PCDHGA5: variants seen among roughly 807,000 people sequenced by gnomAD.
The protein encoded by PCDHGA5 is protocadherin gamma subfamily A, 5, also known as protocadherin gamma-A5.
In PCDHGA5, 36 loss-of-function variants were observed where a neutral mutation model predicts 56.7. That is an observed-to-expected ratio of 0.64 (90% CI 0.49 to 0.84). PCDHGA5 has a LOEUF of 0.84. Among genes scored for constraint, PCDHGA5 ranks in the 40% least tolerant of loss-of-function variants. The pLI is 0.00. For synonymous variants in PCDHGA5, 563 were observed against 520.2 expected (o/e 1.08, Z -1.12); for missense variants, 1,305 against 1,201.5 (o/e 1.09, Z -1.27).
chr5:141,423,816 T>C lies in PCDHGA5; in HGVS notation c.2421+57065T>C, dbSNP rs1205974775. ...TTAGAGCAATACATGTGAGTTTTACTTTGCCTTTCATGAGATTACGATAAT... is the reference window on the plus strand; with the variant it reads ...TTAGAGCAATACATGTGAGTTTTACCTTGCCTTTCATGAGATTACGATAAT... On this transcript the variant is annotated intron_variant, in intron 1 of 3. Transcript: ENST00000518069. 3 of 1,273,904 alleles carry C rather than the reference T, an allele frequency of 2.4e-6. No individual in the cohort carries two copies. The African/African-American group carries it at 4.7e-5, about 20-fold the overall frequency. 78.9% of individuals were successfully genotyped at this position (1,273,904 alleles called of 1,614,324 possible).
At position 141,511,622 on chromosome 5, in the gene PCDHGA5, A is replaced by G; in HGVS notation, c.*449A>G. 4.3e-6 allele frequency: 1 copy of G among 232,852 alleles called. No individual in the cohort carries two copies. The highest frequency in any genetic ancestry group is 8.7e-6 in the Non-Finnish European group (1 of 114,994). The allele number at this position is 232,852 out of a possible 1,614,324, so 14.4% of individuals were successfully genotyped here. A position where few individuals can be genotyped will look rare whatever the true frequency, so the allele number is the denominator to read the frequency against. On this transcript the variant is annotated 3_prime_UTR_variant, in exon 4 of 4. Transcript: ENST00000518069. ...AACCTACAAGCCTCCTAGTTCTGAA[A>G]AGTTGGAAGGGCATCATGACCTCTT...
At chr5:141,464,279 C>CA (rs373828487) in intron 1 of PCDHGA5, among the ~76,000 whole-genome samples, 31,576 of 137,520 alleles carry the variant, frequency 0.23, 3,494 homozygotes, top group African/African-American at 0.28. Context: ...AAAAAAAAAG[C>CA]AAAAAAAAAA....
At chr5:141,428,044 C>A in intron 1 of PCDHGA5, 1 of 1,608,790 alleles carries the variant, frequency 6.2e-7, no homozygotes, top group Non-Finnish European at 8.5e-7. Context: ...TACCTGGTGA[C>A]CAAGGTGGTG....
intron 1 of PCDHGA5, among the ~76,000 whole-genome samples, chr5:141,465,041 C>T (rs2099095802): frequency 6.6e-6 from 1 of 151,856 alleles, no homozygotes; most frequent in Non-Finnish European, 1.5e-5. Flanking sequence ...CACAAATGAC[C>T]CTATATATTT....
At chr5:141,405,575 G>C in intron 1 of PCDHGA5, 1 of 598,040 alleles carries the variant, frequency 1.7e-6, no homozygotes. Flanking sequence ...GAGTAGAGTA[G>C]CTGGGACTAC....
intron 1 of PCDHGA5, chr5:141,385,196 G>C (rs760255338): frequency 3.7e-5 from 60 of 1,614,112 alleles, no homozygotes; most frequent in Non-Finnish European, 5.1e-5. Flanking sequence ...TCTCGGAAGA[G>C]TCACCTGATC....
At chr5:141,372,670 A>G (rs1383646459) in intron 1 of PCDHGA5, 4 of 1,613,908 alleles carry the variant, frequency 2.5e-6, no homozygotes, top group Non-Finnish European at 3.4e-6. Flanking sequence ...GCTGCCTCAC[A>G]TTCCTCAAAC....
chr5:141,487,577 C>A lies in PCDHGA5; in HGVS notation c.2422-7230C>A. 1.2e-6 allele frequency: 2 copies of A among 1,614,150 alleles called. No individual in the cohort carries two copies. Among genetic ancestry groups the A allele is most frequent in the Non-Finnish European group, 1.7e-6 (2 of 1,180,024 alleles). ...ACCTATGGCAGGGGAGCCTGTTCGC[C>A]CAAGCTGCCCACCCTCTGATCTTCT... On this transcript the variant is annotated intron_variant, in intron 1 of 3. Coordinates refer to ENST00000518069, the MANE Select transcript of PCDHGA5 (RefSeq NM_018918.3). The surrounding 1 kb of genome is among the most constrained non-coding windows in gnomAD (Gnocchi z 5.0).
In PCDHGA5 at chr5:141,470,146, A is replaced by G. The variant is rs181633492; in HGVS notation, c.2422-24661A>G. On this transcript the variant is annotated intron_variant, in intron 1 of 3. Coordinates refer to ENST00000518069, the MANE Select transcript of PCDHGA5 (RefSeq NM_018918.3). ...TTCGTCTCAAAAAAAAAGATCATAG[A>G]TCATCTTATCAAATCAAAGTATGCA... Among the ~76,000 whole-genome samples, 102 of 152,308 alleles carry G rather than the reference A, an allele frequency of 6.7e-4. 2 individuals carry two copies. Among genetic ancestry groups the G allele is most frequent in the African/African-American group, 2.4e-3 (99 of 41,558 alleles).
At position 141,390,587 on chromosome 5, in the gene PCDHGA5, A is replaced by G. The variant is rs1043489470; in HGVS notation, c.2421+23836A>G. The G allele has an allele frequency of 4.1e-5, 14 of 340,484 alleles. No homozygotes were observed. The Admixed American group carries it at 6.3e-4, about 15-fold the overall frequency. The allele number at this position is 340,484 out of a possible 1,614,324, so 21.1% of individuals were successfully genotyped here. A position where few individuals can be genotyped will look rare whatever the true frequency, so the allele number is the denominator to read the frequency against. Reference sequence around the variant, plus strand: ...TTGGCTCTCTCCTAAAAAGTGAATGAGATTTTTCCTATACATTTTCCTTCT... The same window carrying G: ...TTGGCTCTCTCCTAAAAAGTGAATGGGATTTTTCCTATACATTTTCCTTCT... On this transcript the variant is annotated intron_variant, in intron 1 of 3. Transcript: ENST00000518069.
intron 1 of PCDHGA5, chr5:141,419,357 AC>A (rs1185938270): frequency 3.7e-6 from 6 of 1,613,814 alleles, no homozygotes; most frequent in Non-Finnish European, 4.2e-6. Context: ...GGAGTCACGA[AC>A]GCTGTCGTCC....
intron 1 of PCDHGA5, among the ~76,000 whole-genome samples, chr5:141,370,010 TAAC>T (rs1460058955): frequency 6.6e-6 from 1 of 152,172 alleles, no homozygotes; most frequent in African/African-American, 2.4e-5. Context: ...TTAAAAGAAA[TAAC>T]AGACTAAAGA....
In PCDHGA5 at chr5:141,489,201, G is replaced by A. The variant is rs757039294; in HGVS notation, c.2422-5606G>A. ...AGCCCTGGGTCTACCTTGGAGACAG[G>A]ACAGCACAGACTTACTCTCCACAAA... On this transcript the variant is annotated intron_variant, in intron 1 of 3. Coordinates refer to ENST00000518069, the MANE Select transcript of PCDHGA5 (RefSeq NM_018918.3). This position sits in a 1 kb window ranked among gnomAD's most constrained non-coding sequence, Gnocchi z 4.5. The A allele has an allele frequency of 7.8e-6, 11 of 1,416,092 alleles. No individual in the cohort carries two copies. In the African/African-American group the frequency reaches 1.3e-4, roughly 17 times the overall value. 87.7% of individuals were successfully genotyped at this position (1,416,092 alleles called of 1,614,324 possible).
At chr5:141,404,063 G>A in intron 1 of PCDHGA5, 1 of 1,613,798 alleles carries the variant, frequency 6.2e-7, no homozygotes, top group Non-Finnish European at 8.5e-7. Context: ...TCTTTTCAAT[G>A]CTCATGACCG....
rs1453419469 is a variant in PCDHGA5, at chr5:141,505,501, G to A, written c.2569+20G>A. On this transcript the variant is annotated intron_variant, in intron 3 of 3. Transcript: ENST00000518069. ...CCAGTGGTAAGTGGTGTCAGTGTGT[G>A]TATGGAAGAGTGGGAGACCTGGGGT... The A allele has an allele frequency of 1.2e-6, 2 of 1,614,156 alleles. No homozygotes were observed. Among genetic ancestry groups the A allele is most frequent in the Non-Finnish European group, 1.7e-6 (2 of 1,179,970 alleles).
chr5:141,380,531 A>G (rs1197165586), intron 1 of PCDHGA5, among the ~76,000 whole-genome samples: 4 of 152,346 alleles, frequency 2.6e-5, no homozygotes, highest in African/African-American at 9.6e-5. Flanking sequence ...AATGATTTCA[A>G]TTTGATACAA....
intron 1 of PCDHGA5, chr5:141,419,435 C>CGCACCT (rs2096383167): frequency 6.2e-7 from 1 of 1,613,108 alleles, no homozygotes; most frequent in Admixed American, 1.7e-5. Context: ...CGAGCAGCTG[C>CGCACCT]GCACCTTCGA....
rs145463208 is a variant in PCDHGA5 at position 141,370,418 on chromosome 5, G to A, written c.2421+3667G>A. ...GGATGGGAAATAGCTCCGGATGGAG[G>A]GGCCCAGCAGGGCAGAGGCGAATGC... is the stretch of plus-strand genomic sequence containing the variant. On this transcript the variant is annotated intron_variant, in intron 1 of 3. Coordinates refer to ENST00000518069, the MANE Select transcript of PCDHGA5 (RefSeq NM_018918.3). 1.7e-5 allele frequency: 26 copies of A among 1,570,524 alleles called. 1 individual carries two copies. The Middle Eastern group carries it at 5.2e-4, about 31-fold the overall frequency.
intron 1 of PCDHGA5, chr5:141,389,562 G>T (rs1561626191): frequency 1.2e-6 from 2 of 1,613,284 alleles, no homozygotes; most frequent in Non-Finnish European, 1.7e-6. Context: ...TGCGCCACGG[G>T]TGCTGTACCC....
Sources: gnomAD v4.1 joint callset for allele counts (sites outside exome capture counted in the v4.1 genomes callset) on GRCh38, gnomAD v4.1.1 for gene constraint, Gnocchi (gnomAD v3.1) non-coding constraint, MANE v1.5 for transcripts, NCBI Gene and HGNC (gene_info 2026-07-23, HGNC 2026-07-21) for gene names.